The following TGM2 variants were observed in gnomAD, a reference collection of about 807,000 sequenced individuals.
TGM2 encodes protein-glutamine gamma-glutamyltransferase 2.
TGM2 carries 53 observed loss-of-function variants against 75.6 expected under a neutral mutation model. That is an observed-to-expected ratio of 0.70 (90% CI 0.56 to 0.88). TGM2 has a LOEUF of 0.88. Ranked by LOEUF, TGM2 falls within the 40% of genes least tolerant of loss-of-function variation. The pLI is 0.00. For synonymous variants in TGM2, 374 were observed against 381.1 expected, an observed-to-expected ratio of 0.98 and a Z score of 0.22; for missense variants, 842 against 928.5, an observed-to-expected ratio of 0.91 and a Z score of 1.21.
chr20:38,155,805 C>T, intron 3 of TGM2, 42 bp downstream of exon 3: 2 of 1,573,986 alleles, frequency 1.3e-6, no homozygotes, highest in Non-Finnish European at 1.7e-6. Context: ...CGGATCCAGC[C>T]CTGCCCACCC....
Position 38,163,966 on chromosome 20 carries a change from T to C in TGM2, c.10+1223A>G, listed in dbSNP as rs367819008. On this transcript the variant is annotated intron_variant, in intron 1 of 12. Transcript: ENST00000361475. ...CTCCAAAGATGCAGGTCTAGAATTG[T>C]AGGATTTATAGGATTTCTGCACTTA... Among the ~76,000 whole-genome samples, 4 of 152,068 alleles carry C rather than the reference T, an allele frequency of 2.6e-5. No homozygotes were observed. The East Asian group carries it at 5.8e-4, about 22-fold the overall frequency.
intron 10 of TGM2, chr20:38,132,822 A>G (rs2122851321): frequency 2.1e-6 from 1 of 478,120 alleles, no homozygotes; most frequent in African/African-American, 2.0e-5. Context: ...TGCGTGGCAC[A>G]GGCACTCCTA....
At chr20:38,130,489 T>TGAGGCC in intron 12 of TGM2, 120 bp from the exon 13 acceptor site, 1 of 1,126,818 alleles carries the variant, frequency 8.9e-7, no homozygotes, top group Non-Finnish European at 1.3e-6. Flanking sequence ...TGAATGGGCC[T>TGAGGCC]CATTCTCGGC....
intron 6 of TGM2, among the ~76,000 whole-genome samples, chr20:38,145,086 T>A (rs1011636966): frequency 3.3e-5 from 5 of 152,092 alleles, no homozygotes; most frequent in Admixed American, 6.5e-5. Context: ...ATGAAGGAGT[T>A]TCCACAAGAA....
chr20:38,145,762 C>CTCTT (rs1482964956), intron 6 of TGM2: 99 of 94,674 alleles, frequency 1.0e-3, no homozygotes, highest in African/African-American at 4.2e-3. Flanking sequence ...TGCTCTCTCT[C>CTCTT]TTTTTTTTTT....
chr20:38,138,901 T>C (rs2074934316), intron 9 of TGM2, among the ~76,000 whole-genome samples: 1 of 152,194 alleles, frequency 6.6e-6, no homozygotes, highest in South Asian at 2.1e-4. Context: ...TGGGTGCATA[T>C]CTATTTATTC....
intron 6 of TGM2, among the ~76,000 whole-genome samples, chr20:38,144,091 G>A (rs372390567): frequency 1.1e-3 from 172 of 152,274 alleles, no homozygotes; most frequent in African/African-American, 3.6e-3. Context: ...ACCGGAGGAC[G>A]GGGGAGGTCT....
In TGM2 at chr20:38,138,366, C is replaced by T; in HGVS notation, c.1362G>A (p.Glu454=). 1 of 1,614,078 alleles carries T rather than the reference C, an allele frequency of 6.2e-7. No individual in the cohort carries two copies. The highest frequency in any genetic ancestry group is 8.5e-7 in the Non-Finnish European group (1 of 1,180,032). Reference sequence around the variant, plus strand: ...TCAGGTGGTTCGCCCTTGTGAAGGCCTCCCTCTCCTCTGAGGACCCTGTAG... The same window carrying T: ...TCAGGTGGTTCGCCCTTGTGAAGGCTTCCCTCTCCTCTGAGGACCCTGTAG... ...KYPEGSSEER[E]AFTRANHLNK... is the part of the protein sequence containing the mutation. Residue 454 remains glutamate (E), a synonymous_variant, in exon 10 of 13, where the codon GAG becomes GAA. Transcript: ENST00000361475.
At chr20:38,145,854 A>G (rs1600497544) in intron 6 of TGM2, 1 of 148,224 alleles carries the variant, frequency 6.7e-6, no homozygotes, top group Admixed American at 6.9e-5. Context: ...ATTGCAGCCA[A>G]CCTCCAGGGG....
At chr20:38,132,249 G>A (rs2074842868) in intron 11 of TGM2, 91 bp downstream of exon 11, 1 of 1,450,402 alleles carries the variant, frequency 6.9e-7, no homozygotes, top group Admixed American at 1.7e-5. Flanking sequence ...AGCTTGCAGG[G>A]ATGCAGGTGT....
At chr20:38,136,597 C>T (rs749149966) in intron 10 of TGM2, among the ~76,000 whole-genome samples, 1 of 152,156 alleles carries the variant, frequency 6.6e-6, no homozygotes, top group African/African-American at 2.4e-5. Context: ...GGTGACACAG[C>T]GAGATGCTGC....
chr20:38,138,572 A>T (rs45514891), intron 9 of TGM2, among the ~76,000 whole-genome samples, 187 bp from the exon 10 acceptor site: 1 of 151,932 alleles, frequency 6.6e-6, no homozygotes, highest in African/African-American at 2.4e-5. Flanking sequence ...ACTCCTATAC[A>T]TCCCTCAAGA....
chr20:38,160,996 G>C (rs45625133), intron 2 of TGM2, among the ~76,000 whole-genome samples: 213 of 152,106 alleles, frequency 1.4e-3, no homozygotes, highest in African/African-American at 4.9e-3. Flanking sequence ...CTACAGACAG[G>C]GTTTCTCCAC....
intron 3 of TGM2, among the ~76,000 whole-genome samples, chr20:38,154,864 G>A (rs1433040318): frequency 2.0e-5 from 3 of 152,028 alleles, no homozygotes; most frequent in Non-Finnish European, 2.9e-5. Context: ...CCAGCACTTT[G>A]GCAGGCCGAG....
At chr20:38,151,303 G>C (rs534053748) in intron 3 of TGM2, among the ~76,000 whole-genome samples, 11 of 152,330 alleles carry the variant, frequency 7.2e-5, no homozygotes, top group African/African-American at 2.6e-4. Flanking sequence ...TGTGATAAAT[G>C]TATGACCTGT....
chr20:38,152,748 A>C (rs1365878798), intron 3 of TGM2, among the ~76,000 whole-genome samples: 4 of 152,186 alleles, frequency 2.6e-5, no homozygotes, highest in Non-Finnish European at 4.4e-5. Flanking sequence ...CGCTCACCCC[A>C]GCCCAACTTC....
chr20:38,133,931 GA>G (rs1373963609), intron 10 of TGM2, among the ~76,000 whole-genome samples: 3 of 151,964 alleles, frequency 2.0e-5, no homozygotes, highest in African/African-American at 7.2e-5. Flanking sequence ...TCTCAAGGGG[GA>G]AAAAAAGAGA....
At chr20:38,135,621 T>C (rs1216213140) in intron 10 of TGM2, among the ~76,000 whole-genome samples, 1 of 151,806 alleles carries the variant, frequency 6.6e-6, no homozygotes, top group Non-Finnish European at 1.5e-5. Context: ...CACACGCCTG[T>C]AGAGATGGAT....
Position 38,130,139 on chromosome 20 carries a change from G to A in TGM2, c.*80C>T, listed in dbSNP as rs114770073. On this transcript the variant is annotated 3_prime_UTR_variant, in exon 13 of 13. Coordinates refer to ENST00000361475, the MANE Select transcript of TGM2 (RefSeq NM_004613.4). Reference sequence around the variant, plus strand: ...TGCCCTGGGGTCTGGGGCCCAAGAAGGGGCATATTTTGCTCACTAGCTTGG... The same window carrying A: ...TGCCCTGGGGTCTGGGGCCCAAGAAAGGGCATATTTTGCTCACTAGCTTGG... 1.1e-3 allele frequency: 1,751 copies of A among 1,582,076 alleles called. 13 individuals are homozygous for A. In the African/African-American group the frequency reaches 0.02, roughly 18 times the overall value.
Sources: gnomAD v4.1 joint callset for allele counts (sites outside exome capture counted in the v4.1 genomes callset) on GRCh38, gnomAD v4.1.1 for gene constraint, MANE v1.5 for transcripts, NCBI Gene and HGNC (gene_info 2026-07-23, HGNC 2026-07-21) for gene names.